IGFN1: variants seen among roughly 807,000 people sequenced by gnomAD.
The protein encoded by IGFN1 is immunoglobulin like and fibronectin type III domain containing 1, also known as immunoglobulin-like and fibronectin type III domain-containing protein 1.
In IGFN1, 253 loss-of-function variants were observed where a neutral mutation model predicts 289.5. That is an observed-to-expected ratio of 0.87 (90% CI 0.79 to 0.97). IGFN1 has a LOEUF of 0.97. IGFN1 is among the 50% of genes least tolerant of loss of function. The probability of loss-of-function intolerance (pLI) is 0.00; values close to 1 mark genes in which losing one functional copy is unlikely to be tolerated. For missense variants in IGFN1, 4,470 were observed against 4,686.1 expected (o/e 0.95, Z 1.35); for synonymous variants, 1,706 against 1,788.5 (o/e 0.95, Z 1.16).
rs1571482724 is a variant in IGFN1 at position 201,216,834 on chromosome 1, G to A, written c.9595+81G>A. The A allele has an allele frequency of 2.4e-6, 3 of 1,225,772 alleles. No homozygotes were observed. In the East Asian group the frequency reaches 7.1e-5, roughly 29 times the overall value. 75.9% of individuals were successfully genotyped at this position (1,225,772 alleles called of 1,614,324 possible). On this transcript the variant is annotated intron_variant, in intron 16 of 23. Transcript: ENST00000335211. Reference sequence around the variant, plus strand: ...CCGAGGAGGGCAGGCTGTCCCAGAGGCTGAGTGACACCAGCCTGTGCTCGG... The same window carrying A: ...CCGAGGAGGGCAGGCTGTCCCAGAGACTGAGTGACACCAGCCTGTGCTCGG...
At chr1:201,199,698 G>A (rs1447934662) in intron 7 of IGFN1, 44 bp downstream of exon 7, 4 of 1,511,348 alleles carry the variant, frequency 2.6e-6, no homozygotes, top group Middle Eastern at 1.7e-4. Context: ...GGCTCCCATA[G>A]TATTCACCCC....
At position 201,208,992 on chromosome 1, in the gene IGFN1, T is replaced by A. The variant is rs1423534222; in HGVS notation, c.4099T>A (p.Ser1367Thr). Residue 1367 changes from serine (S) to threonine (T), a missense_variant, in exon 12 of 24, where the codon TCC becomes ACC. Physicochemically the swap from Ser to Thr is moderately conservative, Grantham distance 58. Around this residue, in one of 8 missense-constraint regions of IGFN1, gnomAD observed 2,011 missense variants for 1,953.4 expected, o/e 1.03. Coordinates refer to ENST00000335211, the MANE Select transcript of IGFN1 (RefSeq NM_001164586.2). ...AGATTATAGCGGTGGTTTAAAGGGT[T>A]CCAGGGAAATCGGGTCAATGGATGA... ...KADYSGGLKG[S>T]REIGSMDETD... 1 of 1,535,464 alleles carries A rather than the reference T, an allele frequency of 6.5e-7. No homozygotes were observed. Among genetic ancestry groups the A allele is most frequent in the Non-Finnish European group, 8.7e-7 (1 of 1,146,610 alleles).
Position 201,207,808 on chromosome 1 carries a change from GT to G in IGFN1, c.2917del (p.Tyr973IlefsTer79), listed in dbSNP as rs1667498519. On this transcript the variant is annotated frameshift_variant, in exon 12 of 24. Transcript: ENST00000335211. LOFTEE classifies it high-confidence loss of function. ...SREISSKSGA[G>X]YSYGSGVPGE... ...GAAATAAGCTCTAAAAGCGGGGCTG[GT>G]TATAGCTATGGCTCAGGGGTTCCAG... 1 of 1,536,122 alleles carries G rather than the reference GT, an allele frequency of 6.5e-7. No individual in the cohort carries two copies. Among genetic ancestry groups the G allele is most frequent in the South Asian group, 1.2e-5 (1 of 83,988 alleles).
Position 201,197,273 on chromosome 1 carries a change from C to G in IGFN1, c.323C>G (p.Ala108Gly), listed in dbSNP as rs375449085. 6.4e-7 allele frequency: 1 copy of G among 1,551,524 alleles called. No homozygotes were observed. The highest frequency in any genetic ancestry group is 8.7e-7 in the Non-Finnish European group (1 of 1,146,850). Residue 108 changes from alanine to glycine, a missense_variant, in exon 5 of 24, where the codon GCG becomes GGG. This residue lies in a region of IGFN1 where 2,011 missense variants were observed against 1,953.4 expected (regional missense o/e 1.03). Coordinates refer to ENST00000335211, the MANE Select transcript of IGFN1 (RefSeq NM_001164586.2). The stretch of plus-strand genomic sequence containing the variant: ...CTGTACCGCTGCACAGCAGTAAATG[C>G]GTACGGAGAGGCCGCTTGCTCAGTG... ...TDLYRCTAVNAYGEAACSVRL... is the reference protein window; with the variant it reads ...TDLYRCTAVNGYGEAACSVRL...
At position 201,226,841 on chromosome 1, in the gene IGFN1, C is replaced by T. The variant is rs571881720; in HGVS notation, c.10787-41C>T. The T allele has an allele frequency of 1.4e-5, 21 of 1,480,902 alleles. No individual in the cohort carries two copies. In the Admixed American group the frequency reaches 1.8e-4, roughly 13 times the overall value. 91.7% of individuals were successfully genotyped at this position (1,480,902 alleles called of 1,614,324 possible). ...ACCCGGGTCTCAGCCAGGCCTTCCT[C>T]GCTTTCTCACCCTCTTCTCTCACCC... On this transcript the variant is annotated intron_variant, in intron 22 of 23. Transcript: ENST00000335211.
In IGFN1 at chr1:201,221,535, G is replaced by A; in HGVS notation, c.9990G>A (p.Gly3330=). 1 of 1,614,152 alleles carries A rather than the reference G, an allele frequency of 6.2e-7. No individual in the cohort carries two copies. Among genetic ancestry groups the A allele is most frequent in the Non-Finnish European group, 8.5e-7 (1 of 1,180,000 alleles). Residue 3330 remains glycine, a synonymous_variant, in exon 19 of 24, where the codon GGG becomes GGA. Coordinates refer to ENST00000335211, the MANE Select transcript of IGFN1 (RefSeq NM_001164586.2). ...LSWAGPDTQE[G]DEAQGYVVEL... Reference sequence around the variant, plus strand: ...GGGCTGGGCCAGACACCCAGGAAGGGGATGAAGCCCAGGGGTATGTGGTGG... The same window carrying A: ...GGGCTGGGCCAGACACCCAGGAAGGAGATGAAGCCCAGGGGTATGTGGTGG...
rs1187135542 is a variant in IGFN1, at chr1:201,215,133, G to A, written c.8974G>A (p.Glu2992Lys). ...YTFVAGDQQSEATLTVQDSPT... is the reference protein window; with the variant it reads ...YTFVAGDQQSKATLTVQDSPT... ...CTTTGTAGCTGGTGACCAGCAGAGC[G>A]AGGCCACCCTGACCGTCCAGGGTAA... is the stretch of plus-strand genomic sequence containing the variant. Residue 2992 changes from glutamate (E) to lysine (K), a missense_variant, in exon 14 of 24, where the codon GAG (glutamate) becomes AAG (lysine). Physicochemically the swap from Glu to Lys is moderately conservative, Grantham distance 56 (BLOSUM62 1). This residue lies in a region of IGFN1 where 2,218 missense variants were observed against 2,114.1 expected (regional missense o/e 1.05). Coordinates refer to ENST00000335211, the MANE Select transcript of IGFN1 (RefSeq NM_001164586.2). 13 of 1,613,428 alleles carry A rather than the reference G, an allele frequency of 8.1e-6. No homozygotes were observed. In the African/African-American group the frequency reaches 1.1e-4, roughly 13 times the overall value.
At chr1:201,204,276 A>G (rs1667298324) in intron 10 of IGFN1, among the ~76,000 whole-genome samples, 1 of 148,130 alleles carries the variant, frequency 6.8e-6, no homozygotes, top group African/African-American at 2.5e-5. Flanking sequence ...ACACCCTAGC[A>G]AGAATCTCTG....
chr1:201,216,630 A>AAGT lies in IGFN1; in HGVS notation c.9472_9473insAGT (p.Ser3158delinsLysCys). ...GAAGGTGGGCGAGGCCCCCGCTGAC[A>AAGT]GCACCACCTTCACGGATGCCCATGT... On this transcript the variant is annotated protein_altering_variant, in exon 16 of 24. Coordinates refer to ENST00000335211, the MANE Select transcript of IGFN1 (RefSeq NM_001164586.2). 6.2e-7 allele frequency: 1 copy of AAGT among 1,613,856 alleles called. No individual in the cohort carries two copies. The highest frequency in any genetic ancestry group is 1.3e-5 in the African/African-American group (1 of 74,912).
Position 201,212,228 on chromosome 1 carries a change from AG to A in IGFN1, c.7339del (p.Val2447CysfsTer65). The A allele has an allele frequency of 6.5e-7, 1 of 1,534,430 alleles. No individual in the cohort carries two copies. ...CACACAGAGACAGCCTCAGGGGCAC[AG>A]GGGTGCTGGGGTCTCAGGGAGGGCG... is the stretch of plus-strand genomic sequence containing the variant. ...MAHRDSLRGT[G>X]VLGSQGGRQT... On this transcript the variant is annotated frameshift_variant, in exon 12 of 24. Transcript: ENST00000335211. LOFTEE classifies it high-confidence loss of function.
Position 201,226,955 on chromosome 1 carries a change from G to C in IGFN1, c.10860G>C (p.Leu3620=). 1 of 1,612,598 alleles carries C rather than the reference G, an allele frequency of 6.2e-7. No individual in the cohort carries two copies. The highest frequency in any genetic ancestry group is 1.1e-5 in the South Asian group (1 of 90,992). ...AGAAGCCCCGGTTCCTGGTGGGCCT[G>C]CGGTCCCACCTGCTGCCCCAGGGCT... is the stretch of plus-strand genomic sequence containing the variant. ...LSQKPRFLVG[L]RSHLLPQGCE... is the part of the protein sequence containing the mutation. The change falls in exon 23 of 24, where the codon CTG becomes CTC. Residue 3620 remains leucine, a synonymous_variant. Transcript: ENST00000335211.
Position 201,203,702 on chromosome 1 carries a change from AC to A in IGFN1, c.748-35del, listed in dbSNP as rs573060588. On this transcript the variant is annotated intron_variant, in intron 9 of 23. Transcript: ENST00000335211. ...CTGGGGCAGGAAGCACTGAGGACCC[AC>A]TGAGGCCCGCCTCCTCTTCCTTTTC... The A allele has an allele frequency of 4.1e-4, 629 of 1,546,990 alleles. 12 individuals are homozygous for A. The South Asian group carries it at 7.3e-3, about 18-fold the overall frequency.
Position 201,221,726 on chromosome 1 carries a change from T to G in IGFN1, c.10181T>G (p.Val3394Gly). Reference protein sequence around the residue: ...QSQPSALDTLVQAMPVTVCPK... With the variant: ...QSQPSALDTLGQAMPVTVCPK... ...CAGCCCAGTGCCCTGGACACATTAG[T>G]GCAAGCCATGCCTGTTACTGGTGAG... The change falls in exon 19 of 24, where the codon GTG becomes GGG. Residue 3394 changes from valine (V) to glycine (G), a missense_variant. Transcript: ENST00000335211. The G allele has an allele frequency of 6.3e-7, 1 of 1,596,142 alleles. No homozygotes were observed. The highest frequency in any genetic ancestry group is 8.6e-7 in the Non-Finnish European group (1 of 1,169,192).
chr1:201,208,435 G>T lies in IGFN1; in HGVS notation c.3542G>T (p.Gly1181Val), dbSNP rs1043316653. ...PGAKASGAGA[G>V]YRDDTRHPES... ...GCTAAGGCCTCTGGAGCTGGAGCTG[G>T]TTATAGGGATGATACCAGGCACCCT... Residue 1181 changes from glycine (G) to valine (V), a missense_variant, in exon 12 of 24, where the codon GGT becomes GTT. Physicochemically the swap from Gly to Val is moderately radical, Grantham distance 109. Around this residue, in one of 8 missense-constraint regions of IGFN1, gnomAD observed 2,011 missense variants for 1,953.4 expected, o/e 1.03. Coordinates refer to ENST00000335211, the MANE Select transcript of IGFN1 (RefSeq NM_001164586.2). 6.9e-6 allele frequency: 10 copies of T among 1,447,128 alleles called. No individual in the cohort carries two copies. Among genetic ancestry groups the T allele is most frequent in the South Asian group, 1.5e-5 (1 of 67,270 alleles). The allele number at this position is 1,447,128 out of a possible 1,614,324, so 89.6% of individuals were successfully genotyped here. A position where few individuals can be genotyped will look rare whatever the true frequency, so the allele number is the denominator to read the frequency against.
intron 8 of IGFN1, among the ~76,000 whole-genome samples, chr1:201,200,832 C>A (rs12738100): frequency 1.8e-4 from 15 of 84,258 alleles, no homozygotes; most frequent in African/African-American, 7.9e-4. Context: ...TTATTTCTTT[C>A]TTTTTTTTTT....
rs1654263954 is a variant in IGFN1 at position 201,228,512 on chromosome 1, T to C, written c.*113T>C. The C allele has an allele frequency of 8.4e-7, 1 of 1,192,208 alleles. No individual in the cohort carries two copies. Among genetic ancestry groups the C allele is most frequent in the East Asian group, 2.3e-5 (1 of 42,912 alleles). 73.9% of individuals were successfully genotyped at this position (1,192,208 alleles called of 1,614,324 possible). A position where few individuals can be genotyped will look rare whatever the true frequency, so the allele number is the denominator to read the frequency against. ...GGCTGTGCCCAGAGCCCCAGGAAAA[T>C]GGGAGTGAGAAGATGCCTGGCGAGG... On this transcript the variant is annotated 3_prime_UTR_variant, in exon 24 of 24. Coordinates refer to ENST00000335211, the MANE Select transcript of IGFN1 (RefSeq NM_001164586.2).
In IGFN1 at chr1:201,221,515, G is replaced by A. The variant is rs770180315; in HGVS notation, c.9970G>A (p.Gly3324Arg). 6.8e-6 allele frequency: 11 copies of A among 1,613,928 alleles called. No individual in the cohort carries two copies. The South Asian group carries it at 9.9e-5, about 15-fold the overall frequency. ...SNTSITLSWA[G>R]PDTQEGDEAQ... ...CACCAGCATCACTCTGAGCTGGGCT[G>A]GGCCAGACACCCAGGAAGGGGATGA... The change falls in exon 19 of 24, where the codon GGG (glycine) becomes AGG (arginine). Residue 3324 changes from glycine (G) to arginine (R), a missense_variant. Coordinates refer to ENST00000335211, the MANE Select transcript of IGFN1 (RefSeq NM_001164586.2).
intron 1 of IGFN1, 78 bp from the exon 2 acceptor site, chr1:201,193,169 C>T: frequency 1.4e-6 from 1 of 712,872 alleles, no homozygotes; most frequent in South Asian, 1.6e-5. Context: ...CAGACATTGG[C>T]TGATGCACTG....
Position 201,226,054 on chromosome 1 carries a change from G to T in IGFN1, c.10717G>T (p.Ala3573Ser). 1 of 1,600,636 alleles carries T rather than the reference G, an allele frequency of 6.2e-7. No homozygotes were observed. ...PGHEYHFRVVAKNELGASKPS... is the reference protein window; with the variant it reads ...PGHEYHFRVVSKNELGASKPS... ...CCACGAATACCACTTCAGGGTGGTGGCCAAGAATGAGCTGGGGGCCAGCAA... is the reference window on the plus strand; with the variant it reads ...CCACGAATACCACTTCAGGGTGGTGTCCAAGAATGAGCTGGGGGCCAGCAA... The change falls in exon 22 of 24, where the codon GCC (alanine) becomes TCC (serine). Residue 3573 changes from alanine to serine, a missense_variant. Ala to Ser is a moderately conservative substitution (Grantham distance 99, BLOSUM62 1). Around this residue, in one of 8 missense-constraint regions of IGFN1, gnomAD observed 2,218 missense variants for 2,114.1 expected, o/e 1.05. Coordinates refer to ENST00000335211, the MANE Select transcript of IGFN1 (RefSeq NM_001164586.2).
Sources: allele counts gnomAD v4.1 joint callset (sites outside exome capture counted in the v4.1 genomes callset), GRCh38; gene constraint gnomAD v4.1.1; regional missense constraint gnomAD v4.1.1; transcripts MANE v1.5; gene names NCBI Gene and HGNC (gene_info 2026-07-23, HGNC 2026-07-21).